The following AFTPH variants were observed in gnomAD, a reference collection of about 807,000 sequenced individuals.
AFTPH encodes aftiphilin, also known as aftiphilin protein.
Under a neutral mutation model 72.5 loss-of-function variants are expected in AFTPH, and 7 were observed. The ratio of observed to expected loss-of-function variants is 0.10; its 90% CI spans 0.05 to 0.18. The LOEUF (loss-of-function observed/expected upper bound fraction) is 0.18, where lower values mean the gene tolerates loss of function less well. Among genes scored for constraint, AFTPH ranks in the 10% least tolerant of loss-of-function variants. The pLI is 1.00. For synonymous variants in AFTPH, 337 were observed against 370.1 expected (o/e 0.91, Z 1.03); for missense variants, 979 against 1,060.5 (o/e 0.92, Z 1.07).
chr2:64,552,894 C>A, exon 2 of AFTPH: 1 of 1,614,144 alleles, frequency 6.2e-7, no homozygotes, highest in Non-Finnish European at 8.5e-7. Context: ...TTTTAGTGAA[C>A]CAGGTGATGA....
chr2:64,563,761 A>AGTG (rs1416759864), intron 2 of AFTPH, among the ~76,000 whole-genome samples: 2 of 152,062 alleles, frequency 1.3e-5, no homozygotes, highest in African/African-American at 2.4e-5. Context: ...ACCAGCCACC[A>AGTG]CGCCCAGCTA....
intron 2 of AFTPH, among the ~76,000 whole-genome samples, chr2:64,561,597 C>T (rs531193535): frequency 3.9e-5 from 6 of 151,994 alleles, no homozygotes; most frequent in African/African-American, 1.5e-4. Flanking sequence ...CAGGATCACT[C>T]GAGCCCAGAA....
chr2:64,573,891 GT>G (rs1365654947), intron 6 of AFTPH, among the ~76,000 whole-genome samples: 2 of 152,118 alleles, frequency 1.3e-5, no homozygotes, highest in African/African-American at 2.4e-5. Flanking sequence ...CTTATGACAG[GT>G]GATCCACCCA....
chr2:64,589,418 A>T (rs971551259), intron 8 of AFTPH, among the ~76,000 whole-genome samples: 1 of 152,200 alleles, frequency 6.6e-6, no homozygotes, highest in Non-Finnish European at 1.5e-5. Context: ...AAAAGGATAA[A>T]TCTTCACTAG....
intron 1 of AFTPH, among the ~76,000 whole-genome samples, chr2:64,541,317 CAG>C (rs1452018264): frequency 2.0e-5 from 3 of 152,062 alleles, no homozygotes; most frequent in African/African-American, 7.2e-5. Context: ...GTTGGTGACT[CAG>C]TGACATACAG....
intron 1 of AFTPH, among the ~76,000 whole-genome samples, chr2:64,544,514 T>C (rs1670447288): frequency 6.6e-6 from 1 of 152,154 alleles, no homozygotes; most frequent in Admixed American, 6.5e-5. Context: ...AGTAGTCCAT[T>C]ACGAAGGATG....
At chr2:64,527,054 C>A (rs1481055594) in intron 1 of AFTPH, among the ~76,000 whole-genome samples, 1 of 152,124 alleles carries the variant, frequency 6.6e-6, no homozygotes, top group Non-Finnish European at 1.5e-5. Context: ...TAACAACATG[C>A]ATGGGAATGA....
intron 8 of AFTPH, among the ~76,000 whole-genome samples, chr2:64,586,165 A>G (rs973676693): frequency 6.6e-6 from 1 of 152,210 alleles, no homozygotes; most frequent in Non-Finnish European, 1.5e-5. Flanking sequence ...TTAGGCTAGT[A>G]CAATCCATTG....
intron 6 of AFTPH, among the ~76,000 whole-genome samples, chr2:64,576,028 C>T (rs577429812): frequency 3.1e-4 from 46 of 149,222 alleles, no homozygotes; most frequent in African/African-American, 8.9e-4. Flanking sequence ...CGTGAGACAT[C>T]GCACCCGGCC....
intron 1 of AFTPH, among the ~76,000 whole-genome samples, chr2:64,529,315 G>GTTTT (rs33964756): frequency 2.1e-5 from 3 of 145,992 alleles, no homozygotes; most frequent in Admixed American, 6.8e-5. Flanking sequence ...CCTTTTTGAA[G>GTTTT]TTTTTTTTTT....
At chr2:64,555,391 T>C (rs1441444005) in intron 2 of AFTPH, among the ~76,000 whole-genome samples, 2 of 152,012 alleles carry the variant, frequency 1.3e-5, no homozygotes, top group Non-Finnish European at 2.9e-5. Context: ...TGAGACCCTG[T>C]CTCTACTAAA....
At position 64,569,593 on chromosome 2, in the gene AFTPH, A is replaced by T. The variant is rs72890717; in HGVS notation, c.2215-30A>T. 2,763 of 1,606,680 alleles carry T rather than the reference A, an allele frequency of 1.7e-3. 39 individuals are homozygous for T. The African/African-American group carries it at 0.032, about 19-fold the overall frequency. On this transcript the variant is annotated intron_variant, in intron 4 of 8. Transcript: ENST00000238856. ...TTGTATGATAGATTATTCTCTAAATATATGTTCTTTCTGTCTAACGTGTGT... is the reference window on the plus strand; with the variant it reads ...TTGTATGATAGATTATTCTCTAAATTTATGTTCTTTCTGTCTAACGTGTGT...
At chr2:64,566,129 A>G (rs1282168266) in intron 2 of AFTPH, among the ~76,000 whole-genome samples, 1 of 152,208 alleles carries the variant, frequency 6.6e-6, no homozygotes, top group Non-Finnish European at 1.5e-5. Flanking sequence ...TGGTTATCTG[A>G]TCCCTTTGAA....
exon 2 of AFTPH, chr2:64,553,138 C>T: frequency 3.1e-6 from 5 of 1,614,178 alleles, no homozygotes; most frequent in Non-Finnish European, 4.2e-6. Context: ...TTTCAAGACT[C>T]TGATGATTTT....
At chr2:64,572,986 C>G (rs1307791665) in exon 6 of AFTPH, 3 of 1,614,100 alleles carry the variant, frequency 1.9e-6, no homozygotes, top group Non-Finnish European at 2.5e-6. Flanking sequence ...AAACCACTTT[C>G]TGCTGCAGAA....
intron 2 of AFTPH, among the ~76,000 whole-genome samples, chr2:64,566,536 CTG>C (rs1672102184): frequency 6.6e-6 from 1 of 152,016 alleles, no homozygotes; most frequent in Admixed American, 6.6e-5. Context: ...CTTTTACAGT[CTG>C]TGTCAATTCA....
chr2:64,544,387 A>G (rs1328151542), intron 1 of AFTPH, among the ~76,000 whole-genome samples: 3 of 152,208 alleles, frequency 2.0e-5, no homozygotes, highest in Non-Finnish European at 4.4e-5. Flanking sequence ...TAGAATAAGT[A>G]GACATAAAAA....
intron 6 of AFTPH, among the ~76,000 whole-genome samples, chr2:64,578,302 AG>A (rs1672945411): frequency 6.6e-6 from 1 of 152,200 alleles, no homozygotes; most frequent in South Asian, 2.1e-4. Flanking sequence ...CTTACAATAA[AG>A]CGTAGTGGTA....
At chr2:64,553,607 C>T (rs936263942) in intron 2 of AFTPH, among the ~76,000 whole-genome samples, 198 bp downstream of exon 2, 5 of 151,070 alleles carry the variant, frequency 3.3e-5, no homozygotes, top group Non-Finnish European at 7.4e-5. Context: ...TATAGTAAAG[C>T]GCAGTAAGAT....
Sources: allele counts gnomAD v4.1 joint callset (sites outside exome capture counted in the v4.1 genomes callset), GRCh38; gene constraint gnomAD v4.1.1; transcripts MANE v1.5; gene names NCBI Gene and HGNC (gene_info 2026-07-23, HGNC 2026-07-21).